OFD1: variants seen among roughly 807,000 people sequenced by gnomAD.
OFD1 encodes the protein centriole and centriolar satellite protein OFD1.
A neutral mutation model predicts 81.4 loss-of-function variants in OFD1; 12 were observed. The observed-to-expected ratio is 0.15, with a 90% CI of 0.09 to 0.24. The LOEUF is 0.24. Ranked by LOEUF, OFD1 falls within the 10% of genes least tolerant of loss-of-function variation. The pLI, the probability that OFD1 is intolerant of heterozygous loss-of-function variation, is 1.00. For synonymous variants in OFD1, 256 were observed against 263.7 expected (o/e 0.97, Z 0.28); for missense variants, 685 against 733.9 (o/e 0.93, Z 0.77).
chrX:13,747,938 T>C (rs1171717107), intron 8 of OFD1, among the ~76,000 whole-genome samples: 4 of 111,319 alleles, frequency 3.6e-5, no homozygotes. Flanking sequence ...TTAAATCATA[T>C]TCCTTTCCCA....
intron 2 of OFD1, 32 bp from the exon 3 acceptor site, chrX:13,736,446 T>G (rs1308034144): frequency 8.4e-7 from 1 of 1,189,946 alleles, no homozygotes; most frequent in African/African-American, 1.8e-5. Context: ...CCCTTGTGTT[T>G]CTTTTTTATT....
upstream of OFD1, chrX:13,734,527 G>T (rs1381680409): frequency 1.1e-5 from 3 of 277,022 alleles, no homozygotes; most frequent in East Asian, 9.4e-5. Flanking sequence ...TTCCCTACCT[G>T]CAGTGGGAGG....
chrX:13,746,280 T>C (rs2047294195), intron 6 of OFD1, 39 bp from the exon 7 acceptor site: 7 of 1,183,685 alleles, frequency 5.9e-6, no homozygotes, highest in Non-Finnish European at 8.0e-6. Context: ...CACCTGACGA[T>C]GTTTCTATGT....
At chrX:13,767,832 T>G in intron 20 of OFD1, 2 of 373,645 alleles carry the variant, frequency 5.4e-6, no homozygotes, top group South Asian at 7.1e-5. Context: ...TCTTGGTTAA[T>G]TCAAGTCCAA....
chrX:13,737,865 T>G (rs2046932215), intron 3 of OFD1, among the ~76,000 whole-genome samples: 1 of 111,726 alleles, frequency 9.0e-6, no homozygotes, highest in South Asian at 3.7e-4. Context: ...AATTTATGTT[T>G]TTGAGACAGA....
the OFD1 span, among the ~76,000 whole-genome samples, chrX:13,729,164 C>T: frequency 9.0e-6 from 1 of 111,518 alleles, no homozygotes; most frequent in Non-Finnish European, 1.9e-5. Context: ...TGAAAATGGC[C>T]ATACTGCCCA....
rs16992216 is a variant in OFD1 at position 13,746,640 on chromosome X, G to C, written c.655-140G>C. 7,622 of 674,593 alleles carry C rather than the reference G, an allele frequency of 0.011. 341 individuals carry two copies. In the African/African-American group the frequency reaches 0.13, roughly 12 times the overall value. 55.6% of individuals were successfully genotyped at this position (674,593 alleles called of 1,213,427 possible). A position where few individuals can be genotyped will look rare whatever the true frequency, so the allele number is the denominator to read the frequency against. ...GCCTTTTGAGTGAATCCTACAAATA[G>C]AGTGAATGAGATAAAACTAACATGA... On this transcript the variant is annotated intron_variant, in intron 7 of 22. Coordinates refer to ENST00000340096, the MANE Select transcript of OFD1 (RefSeq NM_003611.3).
the OFD1 span, among the ~76,000 whole-genome samples, chrX:13,717,867 T>A: frequency 8.9e-6 from 1 of 112,289 alleles, no homozygotes; most frequent in East Asian, 2.8e-4. Flanking sequence ...AGAGGGTTGT[T>A]GCAGATGTGG....
intron 8 of OFD1, among the ~76,000 whole-genome samples, chrX:13,748,032 G>A (rs2047361587): frequency 8.9e-6 from 1 of 111,770 alleles, no homozygotes; most frequent in Admixed American, 9.5e-5. Context: ...TTGAAAGTAG[G>A]AATGCTTCCC....
intron 5 of OFD1, chrX:13,740,057 A>G: frequency 2.1e-6 from 2 of 943,183 alleles, no homozygotes; most frequent in Non-Finnish European, 2.7e-6. Context: ...TTCATTTAGA[A>G]CTTAATCATT....
the OFD1 span, among the ~76,000 whole-genome samples, chrX:13,729,738 G>A: frequency 1.4e-4 from 15 of 110,951 alleles, no homozygotes; most frequent in African/African-American, 3.0e-4. Flanking sequence ...GAGAAACCCC[G>A]TCTCTACTAA....
chrX:13,762,848 C>G (rs2047988513), intron 18 of OFD1, among the ~76,000 whole-genome samples: 1 of 111,755 alleles, frequency 8.9e-6, no homozygotes, highest in African/African-American at 3.3e-5. Context: ...CAATCTCCCT[C>G]CTCCTCCCAG....
chrX:13,769,297 C>T lies in OFD1; in HGVS notation c.*189C>T, dbSNP rs1418263253. 1.6e-5 allele frequency: 7 copies of T among 442,607 alleles called. No individual in the cohort carries two copies. The highest frequency in any genetic ancestry group is 2.8e-5 in the Non-Finnish European group (7 of 249,332). 36.5% of individuals were successfully genotyped at this position (442,607 alleles called of 1,213,427 possible). ...CCAAGAATAATCTAGTCACGTGAAA[C>T]CTCTTCTCCAGTCATAGTATTTCTC... On this transcript the variant is annotated 3_prime_UTR_variant, in exon 23 of 23. Transcript: ENST00000340096.
chrX:13,768,992 G>C, intron 22 of OFD1, 74 bp from the exon 23 acceptor site: 1 of 861,599 alleles, frequency 1.2e-6, no homozygotes. Context: ...GGAAGGAATT[G>C]AGAACATTAT....
intron 7 of OFD1, 113 bp downstream of exon 7, chrX:13,746,568 T>C (rs2047306713): frequency 1.1e-6 from 1 of 920,212 alleles, no homozygotes; most frequent in Non-Finnish European, 1.5e-6. Context: ...AATGGGATAC[T>C]GTACTGTTGT....
intron 12 of OFD1, 119 bp downstream of exon 12, chrX:13,755,361 A>G: frequency 1.9e-6 from 1 of 520,736 alleles, no homozygotes; most frequent in Middle Eastern, 3.9e-4. Flanking sequence ...TTATATGGCT[A>G]AGAAGGTGTT....
chrX:13,724,976 G>A, the OFD1 span, among the ~76,000 whole-genome samples: 1 of 113,319 alleles, frequency 8.8e-6, no homozygotes, highest in Non-Finnish European at 1.9e-5. Flanking sequence ...CAGGTCCCAC[G>A]CCCACGGAGC....
rs61746932 is a variant in OFD1, at chrX:13,756,620, A to G, written c.1264A>G (p.Lys422Glu). ...CAAAGCCCAGTCTTTGGCAATAACA[A>G]AACAAAACCATATGCTGAATGAAAA... Reference protein sequence around the residue: ...SVKAQSLAITKQNHMLNEKVK... With the variant: ...SVKAQSLAITEQNHMLNEKVK... Residue 422 changes from lysine (K) to glutamate (E), a missense_variant, in exon 13 of 23, where the codon AAA (lysine) becomes GAA (glutamate). Physicochemically the swap from Lys to Glu is moderately conservative, Grantham distance 56. Transcript: ENST00000340096. 1,204 of 1,204,450 alleles carry G rather than the reference A, an allele frequency of 1.0e-3. 12 individuals carry two copies. The African/African-American group carries it at 0.019, about 19-fold the overall frequency.
intron 6 of OFD1, among the ~76,000 whole-genome samples, chrX:13,745,198 A>C (rs1395704507): frequency 8.9e-6 from 1 of 112,465 alleles, no homozygotes; most frequent in Non-Finnish European, 1.9e-5. Flanking sequence ...CTATGCCTTT[A>C]AGTGTATTTT....
Sources: allele counts gnomAD v4.1 joint callset (sites outside exome capture counted in the v4.1 genomes callset), GRCh38; gene constraint gnomAD v4.1.1; transcripts MANE v1.5; gene names NCBI Gene and HGNC (gene_info 2026-07-23, HGNC 2026-07-21).